Variants in SUGCT observed in about 807,000 individuals in gnomAD.
The protein encoded by SUGCT is succinyl-CoA:glutarate-CoA transferase, also known as succinyl-CoA:glutarate CoA-transferase.
Under a neutral mutation model 55.0 loss-of-function variants are expected in SUGCT, and 41 were observed. The ratio of observed to expected loss-of-function variants is 0.74; its 90% CI spans 0.58 to 0.97. SUGCT has a LOEUF of 0.97. Ranked by LOEUF, SUGCT falls within the 50% of genes least tolerant of loss-of-function variation. The pLI is 0.00. For missense variants in SUGCT, 568 were observed against 547.8 expected, an observed-to-expected ratio of 1.04 and a Z score of -0.37; for synonymous variants, 187 against 200.4, an observed-to-expected ratio of 0.93 and a Z score of 0.56.
chr7:40,317,451 AATCCAGTTGCTTG>A, intron 9 of SUGCT, among the ~76,000 whole-genome samples: 1 of 152,340 alleles, frequency 6.6e-6, no homozygotes, highest in East Asian at 1.9e-4. Context: ...CTCTTCTTCC[AATCCAGTTGCTTG>A]GTCCAGTTGC....
chr7:40,981,563 G>T, the SUGCT span, among the ~76,000 whole-genome samples: 1 of 151,988 alleles, frequency 6.6e-6, no homozygotes, highest in Non-Finnish European at 1.5e-5. Flanking sequence ...TTTAAATTCT[G>T]GTTCTTTCTT....
At chr7:40,898,483 G>GGGGGT in the SUGCT span, among the ~76,000 whole-genome samples, 1 of 108,370 alleles carries the variant, frequency 9.2e-6, no homozygotes, top group East Asian at 3.6e-4. Flanking sequence ...GGGAGGTCGG[G>GGGGGT]GGGGGGGGGG....
At chr7:40,224,723 T>C (rs1167485460) in intron 6 of SUGCT, among the ~76,000 whole-genome samples, 2 of 152,112 alleles carry the variant, frequency 1.3e-5, no homozygotes, top group African/African-American at 2.4e-5. Context: ...AGGTGAAAAG[T>C]GTTTATTAAA....
At position 40,471,403 on chromosome 7, in the gene SUGCT, G is replaced by A. The variant is rs187936898; in HGVS notation, c.986+12205G>A. 7.9e-5 allele frequency among the ~76,000 whole-genome samples: 12 copies of A among 151,824 alleles called. No individual in the cohort carries two copies. In the East Asian group the frequency reaches 2.1e-3, roughly 27 times the overall value. ...AACTGTATATAAGTTATAGAGTTAAGCATCTGACCAAATATGAAATCAATG... is the reference window on the plus strand; with the variant it reads ...AACTGTATATAAGTTATAGAGTTAAACATCTGACCAAATATGAAATCAATG... On this transcript the variant is annotated intron_variant, in intron 11 of 13. Coordinates refer to ENST00000335693, the MANE Select transcript of SUGCT (RefSeq NM_001193313.2).
chr7:40,664,507 AT>A (rs1801503143), intron 12 of SUGCT, among the ~76,000 whole-genome samples: 2 of 152,292 alleles, frequency 1.3e-5, no homozygotes, highest in African/African-American at 4.8e-5. Flanking sequence ...GATCCTAGGT[AT>A]CAGTAAGCTT....
intron 13 of SUGCT, among the ~76,000 whole-genome samples, chr7:40,757,348 A>G (rs191686525): frequency 9.7e-4 from 147 of 152,278 alleles, no homozygotes; most frequent in African/African-American, 3.4e-3. Flanking sequence ...AGGAAGAAAT[A>G]TTTTGTGAGA....
intron 12 of SUGCT, among the ~76,000 whole-genome samples, chr7:40,562,403 A>G (rs1462978625): frequency 1.3e-5 from 2 of 152,100 alleles, no homozygotes; most frequent in East Asian, 3.9e-4. Context: ...AATGAGGTGT[A>G]AAATGGTGTA....
At chr7:40,323,352 G>A (rs1057393987) in intron 9 of SUGCT, among the ~76,000 whole-genome samples, 1 of 152,132 alleles carries the variant, frequency 6.6e-6, no homozygotes, top group Non-Finnish European at 1.5e-5. Context: ...TCAAGGTGAT[G>A]TTGATGCTGT....
chr7:40,893,434 G>A, the SUGCT span, among the ~76,000 whole-genome samples: 1 of 152,094 alleles, frequency 6.6e-6, no homozygotes, highest in Non-Finnish European at 1.5e-5. Context: ...AAAGGATAAG[G>A]TAGGCCATGA....
intron 9 of SUGCT, among the ~76,000 whole-genome samples, chr7:40,363,487 T>G (rs1427588548): frequency 3.3e-5 from 5 of 152,222 alleles, no homozygotes; most frequent in Non-Finnish European, 7.3e-5. Flanking sequence ...GCTTTGAATG[T>G]GTCCCAAAGA....
chr7:40,228,062 A>G (rs1356862265), intron 6 of SUGCT, among the ~76,000 whole-genome samples: 1 of 151,892 alleles, frequency 6.6e-6, no homozygotes, highest in African/African-American at 2.4e-5. Flanking sequence ...TTGTATTTTT[A>G]GTAGAGATGG....
chr7:40,618,045 A>G (rs1420976496), intron 12 of SUGCT, among the ~76,000 whole-genome samples: 1 of 152,162 alleles, frequency 6.6e-6, no homozygotes, highest in Non-Finnish European at 1.5e-5. Flanking sequence ...GGCTTTTTGA[A>G]TTTTGAGTGA....
intron 6 of SUGCT, among the ~76,000 whole-genome samples, chr7:40,219,424 A>G (rs1224475991): frequency 6.6e-6 from 1 of 152,230 alleles, no homozygotes; most frequent in South Asian, 2.1e-4. Context: ...TGCTCTTTGG[A>G]GAAGAAATAC....
intron 12 of SUGCT, among the ~76,000 whole-genome samples, chr7:40,715,941 G>T (rs1018447377): frequency 2.2e-4 from 33 of 152,082 alleles, no homozygotes; most frequent in African/African-American, 8.0e-4. Context: ...ATTTTGTAGC[G>T]CTTGTTATTG....
the SUGCT span, among the ~76,000 whole-genome samples, chr7:40,934,662 C>A: frequency 2.8e-5 from 1 of 35,908 alleles, no homozygotes; most frequent in Non-Finnish European, 5.1e-5. Flanking sequence ...ACGCCCCTCC[C>A]TCCACCAGGC....
intron 12 of SUGCT, among the ~76,000 whole-genome samples, chr7:40,659,856 A>G (rs1801216471): frequency 6.6e-6 from 1 of 152,202 alleles, no homozygotes; most frequent in Non-Finnish European, 1.5e-5. Flanking sequence ...AATAGTGTAC[A>G]GTATAGTACA....
chr7:40,689,758 G>C (rs1403320531), intron 12 of SUGCT, among the ~76,000 whole-genome samples: 1 of 151,934 alleles, frequency 6.6e-6, no homozygotes, highest in Non-Finnish European at 1.5e-5. Context: ...TGAGTGGCAG[G>C]GGGTGGGGTG....
chr7:40,516,932 A>G (rs980821129), intron 12 of SUGCT, among the ~76,000 whole-genome samples: 11 of 152,064 alleles, frequency 7.2e-5, no homozygotes. Context: ...TGTCTTGTCA[A>G]TATTAATTAA....
the SUGCT span, among the ~76,000 whole-genome samples, chr7:40,901,425 A>T: frequency 1.3e-5 from 2 of 152,224 alleles, no homozygotes; most frequent in African/African-American, 2.4e-5. Flanking sequence ...TCACGAGAAT[A>T]ACCTTTAATC....
Sources: gnomAD v4.1 joint callset for allele counts (sites outside exome capture counted in the v4.1 genomes callset) on GRCh38, gnomAD v4.1.1 for gene constraint, MANE v1.5 for transcripts, NCBI Gene and HGNC (gene_info 2026-07-23, HGNC 2026-07-21) for gene names.